The following PRPF18 variants were observed in gnomAD, a reference collection of about 807,000 sequenced individuals.
PRPF18 encodes pre-mRNA-splicing factor 18.
A neutral mutation model predicts 46.5 loss-of-function variants in PRPF18; 38 were observed. The ratio of observed to expected loss-of-function variants is 0.82; its 90% CI spans 0.63 to 1.07. PRPF18 has a LOEUF of 1.07. Among genes scored for constraint, PRPF18 ranks in the 50% least tolerant of loss-of-function variants. PRPF18 has a pLI of 0.00. For synonymous variants in PRPF18, 152 were observed against 146.7 expected (o/e 1.04, Z -0.26); for missense variants, 263 against 410.0 (o/e 0.64, Z 3.10).
chr10:13,646,609 C>G, the PRPF18 span: 1 of 152,444 alleles, frequency 6.6e-6, no homozygotes, highest in Non-Finnish European at 1.5e-5. Context: ...CGCTACTTAT[C>G]CGCAGGAATT....
intron 1 of PRPF18, among the ~76,000 whole-genome samples, chr10:13,590,012 G>A (rs2079934156): frequency 6.6e-6 from 1 of 151,764 alleles, no homozygotes; most frequent in South Asian, 2.1e-4. Flanking sequence ...TGCTTTAAAG[G>A]GAAAAGTGAA....
At chr10:13,591,910 C>CTCTG (rs1480994373) in intron 1 of PRPF18, 1 of 1,404,908 alleles carries the variant, frequency 7.1e-7, no homozygotes. Context: ...TCGCAGTTTT[C>CTCTG]TCACGTGTCA....
chr10:13,651,225 G>T, the PRPF18 span: 1 of 152,216 alleles, frequency 6.6e-6, no homozygotes, highest in East Asian at 1.9e-4. Flanking sequence ...AAAAATGTTG[G>T]CTTATGGACA....
chr10:13,597,252 A>G (rs1339201354), intron 1 of PRPF18, among the ~76,000 whole-genome samples: 1 of 152,174 alleles, frequency 6.6e-6, no homozygotes, highest in Non-Finnish European at 1.5e-5. Context: ...AACTTACCAC[A>G]TATCGGTGCC....
intron 4 of PRPF18, among the ~76,000 whole-genome samples, chr10:13,606,039 C>T (rs2080179336): frequency 6.6e-6 from 1 of 152,058 alleles, no homozygotes; most frequent in Non-Finnish European, 1.5e-5. Context: ...GGATGCTGGG[C>T]TCAATAGCTG....
chr10:13,592,063 C>T (rs997981283), intron 1 of PRPF18: 2 of 581,478 alleles, frequency 3.4e-6, no homozygotes. Context: ...GTAACAGTTG[C>T]AAGAACCTTC....
At chr10:13,631,584 G>T (rs143868699), downstream of PRPF18, 1 of 152,248 alleles carries the variant, frequency 6.6e-6, no homozygotes, top group South Asian at 2.1e-4. Context: ...AATATTAGTT[G>T]TTGTGTCACT....
chr10:13,624,690 A>G (rs1164721838), intron 9 of PRPF18, among the ~76,000 whole-genome samples: 2 of 152,256 alleles, frequency 1.3e-5, no homozygotes, highest in Non-Finnish European at 2.9e-5. Flanking sequence ...TGATGCTGGC[A>G]GCCAGGCTTT....
At chr10:13,650,441 T>A in the PRPF18 span, among the ~76,000 whole-genome samples, 4 of 152,282 alleles carry the variant, frequency 2.6e-5, no homozygotes, top group Admixed American at 6.5e-5. Context: ...TTCGTGTATG[T>A]ATGTAGGTAT....
chr10:13,597,437 A>T, intron 1 of PRPF18, 21 bp from the exon 2 acceptor site: 1 of 1,524,832 alleles, frequency 6.6e-7, no homozygotes, highest in Non-Finnish European at 8.9e-7. Context: ...TATTATTGAC[A>T]TAATTTATTT....
intron 1 of PRPF18, among the ~76,000 whole-genome samples, chr10:13,592,554 C>T (rs1387372604): frequency 6.6e-6 from 1 of 152,154 alleles, no homozygotes; most frequent in Admixed American, 6.5e-5. Flanking sequence ...CTTGTGAGTG[C>T]CTCTTTCTCA....
chr10:13,648,563 A>T, the PRPF18 span: 1 of 152,088 alleles, frequency 6.6e-6, no homozygotes, highest in Non-Finnish European at 1.5e-5. Context: ...CCCTGGTTCA[A>T]AGGTGGCCAC....
At chr10:13,611,874 C>T (rs1245411334) in intron 6 of PRPF18, among the ~76,000 whole-genome samples, 191 bp downstream of exon 6, 1 of 147,554 alleles carries the variant, frequency 6.8e-6, no homozygotes, top group East Asian at 2.0e-4. Flanking sequence ...ATTTACTTTT[C>T]TTGTGGCTTT....
chr10:13,604,477 A>T (rs1479837846), intron 3 of PRPF18, among the ~76,000 whole-genome samples: 2 of 152,210 alleles, frequency 1.3e-5, no homozygotes, highest in Non-Finnish European at 2.9e-5. Context: ...TTGGAAATAG[A>T]TTTTCAGCAT....
At chr10:13,601,217 A>G (rs1241515594) in intron 3 of PRPF18, among the ~76,000 whole-genome samples, 1 of 152,202 alleles carries the variant, frequency 6.6e-6, no homozygotes, top group Non-Finnish European at 1.5e-5. Context: ...AAACATTTCT[A>G]GAAGCATGAT....
At chr10:13,607,413 G>T (rs1194455943) in intron 4 of PRPF18, among the ~76,000 whole-genome samples, 1 of 152,036 alleles carries the variant, frequency 6.6e-6, no homozygotes, top group African/African-American at 2.4e-5. Flanking sequence ...AGAAGTTTGT[G>T]TGTGTGTACA....
At chr10:13,636,226 A>G in the PRPF18 span, among the ~76,000 whole-genome samples, 1 of 152,228 alleles carries the variant, frequency 6.6e-6, no homozygotes, top group Non-Finnish European at 1.5e-5. Context: ...GTTTGAGGCC[A>G]GCCTGGGCAA....
At chr10:13,629,801 A>G (rs1191429510) in intron 9 of PRPF18, among the ~76,000 whole-genome samples, 1 of 152,212 alleles carries the variant, frequency 6.6e-6, no homozygotes, top group East Asian at 1.9e-4. Context: ...CAAACATGAT[A>G]CATAAATAGT....
chr10:13,630,242 T>C lies in PRPF18; in HGVS notation c.949-18T>C. 1 of 1,585,648 alleles carries C rather than the reference T, an allele frequency of 6.3e-7. No individual in the cohort carries two copies. The highest frequency in any genetic ancestry group is 1.1e-5 in the South Asian group (1 of 90,432). ...TTAACCATGTCATAACCAACCTTTG[T>C]TTTCCTTATTTTCTTAGGGATTGAA... On this transcript the variant is annotated intron_variant, in intron 9 of 9. Coordinates refer to ENST00000378572, the MANE Select transcript of PRPF18 (RefSeq NM_003675.4).
Sources: gnomAD v4.1 joint callset for allele counts (sites outside exome capture counted in the v4.1 genomes callset) on GRCh38, gnomAD v4.1.1 for gene constraint, MANE v1.5 for transcripts, NCBI Gene and HGNC (gene_info 2026-07-23, HGNC 2026-07-21) for gene names.